KDM1A: variants seen among roughly 807,000 people sequenced by gnomAD.
KDM1A encodes the protein lysine-specific histone demethylase 1A.
A neutral mutation model predicts 109.4 loss-of-function variants in KDM1A; 49 were observed. That is an observed-to-expected ratio of 0.45 (90% CI 0.36 to 0.57). The LOEUF is 0.57. Among genes scored for constraint, KDM1A ranks in the 20% least tolerant of loss-of-function variants. The pLI is 0.00. For missense variants in KDM1A, 668 were observed against 1,116.6 expected (o/e 0.60, Z 5.73); for synonymous variants, 380 against 415.4 (o/e 0.91, Z 1.04).
At position 23,069,910 on chromosome 1, in the gene KDM1A, GAGGGGGCCTTTAT is replaced by G. The variant is rs534511718; in HGVS notation, c.1413+762_1413+774del. On this transcript the variant is annotated intron_variant, in intron 12 of 20. Coordinates refer to ENST00000400181, the MANE Select transcript of KDM1A (RefSeq NM_001009999.3). Reference sequence around the variant, plus strand: ...CAGCTTAGGGAGAAAATAGCCCCTGGAGGGGGCCTTTATAGTGCATACTCTGGGTGTGCCTGTG... The same window carrying G: ...CAGCTTAGGGAGAAAATAGCCCCTGGAGTGCATACTCTGGGTGTGCCTGTG... Among the ~76,000 whole-genome samples, 320 of 152,358 alleles carry G rather than the reference GAGGGGGCCTTTAT, an allele frequency of 2.1e-3. 1 individual carries two copies. The highest frequency in any genetic ancestry group is 7.5e-3 in the African/African-American group (311 of 41,572).
At chr1:23,021,349 C>A (rs555769512) in intron 1 of KDM1A, among the ~76,000 whole-genome samples, 1 of 152,116 alleles carries the variant, frequency 6.6e-6, no homozygotes, top group African/African-American at 2.4e-5. Flanking sequence ...CCAGAAGCCA[C>A]GTATAAGATG....
intron 15 of KDM1A, among the ~76,000 whole-genome samples, chr1:23,076,844 C>T (rs1167905768): frequency 1.3e-5 from 2 of 151,898 alleles, no homozygotes; most frequent in Non-Finnish European, 2.9e-5. Context: ...TGCCTGTAAT[C>T]CCAGCAGTTA....
intron 4 of KDM1A, among the ~76,000 whole-genome samples, chr1:23,053,197 C>T (rs934611098): frequency 2.0e-5 from 3 of 152,082 alleles, no homozygotes; most frequent in Non-Finnish European, 4.4e-5. Context: ...TCCCTTCTAG[C>T]TCTATGGATT....
chr1:23,039,871 CAG>C (rs1642255928), intron 2 of KDM1A, among the ~76,000 whole-genome samples: 1 of 152,178 alleles, frequency 6.6e-6, no homozygotes, highest in Non-Finnish European at 1.5e-5. Flanking sequence ...TTTTTGAAAA[CAG>C]AGAGTCTACC....
rs1337787141 is a variant in KDM1A at position 23,019,646 on chromosome 1, C to G, written c.50C>G (p.Ala17Gly). Residue 17 changes from alanine (A) to glycine (G), a missense_variant, in exon 1 of 21, where the codon GCA becomes GGA. Ala to Gly is a moderately conservative substitution (Grantham distance 60). Transcript: ENST00000400181. ...AAAAAAAAAA[A>G]ATGTEAGPGT... ...GCCGCGGCGGCGGCGGCTGCAGCGGCAGCAACCGGGACGGAGGCTGGCCCT... is the reference window on the plus strand; with the variant it reads ...GCCGCGGCGGCGGCGGCTGCAGCGGGAGCAACCGGGACGGAGGCTGGCCCT... The G allele has an allele frequency of 7.1e-7, 1 of 1,412,510 alleles. No homozygotes were observed. Among genetic ancestry groups the G allele is most frequent in the South Asian group, 1.5e-5 (1 of 65,382 alleles). The allele number at this position is 1,412,510 out of a possible 1,614,324, so 87.5% of individuals were successfully genotyped here. A position where few individuals can be genotyped will look rare whatever the true frequency, so the allele number is the denominator to read the frequency against.
intron 2 of KDM1A, 138 bp from the exon 3 acceptor site, chr1:23,044,289 C>G (rs757741529): frequency 9.7e-6 from 7 of 721,996 alleles, no homozygotes; most frequent in Non-Finnish European, 1.7e-5. Flanking sequence ...GGCCTTGATT[C>G]CAGAAGAAGG....
In KDM1A at chr1:23,073,282, T is replaced by A; in HGVS notation, c.1623-10T>A. ...TTTTAATAATCCTGTAGTCCTTTGT[T>A]CTTTTGCAGTGATGTATATCTCTCA... On this transcript the variant is annotated splice_polypyrimidine_tract_variant and intron_variant, in intron 14 of 20. Coordinates refer to ENST00000400181, the MANE Select transcript of KDM1A (RefSeq NM_001009999.3). 1 of 1,398,000 alleles carries A rather than the reference T, an allele frequency of 7.2e-7. No homozygotes were observed. The highest frequency in any genetic ancestry group is 1.0e-6 in the Non-Finnish European group (1 of 985,064). The allele number at this position is 1,398,000 out of a possible 1,614,324, so 86.6% of individuals were successfully genotyped here.
rs757190548 is a variant in KDM1A at position 23,019,875 on chromosome 1, T to G, written c.279T>G (p.Ser93=). Residue 93 remains serine, a synonymous_variant, in exon 1 of 21, where the codon TCT becomes TCG. Coordinates refer to ENST00000400181, the MANE Select transcript of KDM1A (RefSeq NM_001009999.3). ...CCGGCCCTACTGTCGTGCCTGGGTCTGCGACCCCCATGGAAACTGGAATAG... is the reference window on the plus strand; with the variant it reads ...CCGGCCCTACTGTCGTGCCTGGGTCGGCGACCCCCATGGAAACTGGAATAG... ...PQAGPTVVPG[S]ATPMETGIAE... 1.9e-6 allele frequency: 3 copies of G among 1,555,768 alleles called. No homozygotes were observed. The highest frequency in any genetic ancestry group is 2.6e-6 in the Non-Finnish European group (3 of 1,154,236).
chr1:23,063,385 T>A (rs1314602729), intron 9 of KDM1A, among the ~76,000 whole-genome samples: 1 of 152,108 alleles, frequency 6.6e-6, no homozygotes, highest in East Asian at 1.9e-4. Flanking sequence ...GTCAGGTCTC[T>A]TACAAACACC....
intron 3 of KDM1A, among the ~76,000 whole-genome samples, chr1:23,047,801 G>A (rs1642544551): frequency 6.6e-6 from 1 of 151,892 alleles, no homozygotes; most frequent in Non-Finnish European, 1.5e-5. Context: ...GGAGGCTGAG[G>A]CAGCCCAGCT....
chr1:23,054,547 G>T lies in KDM1A; in HGVS notation c.791-522G>T, dbSNP rs554791711. Among the ~76,000 whole-genome samples, 8 of 152,284 alleles carry T rather than the reference G, an allele frequency of 5.3e-5. No homozygotes were observed. The South Asian group carries it at 1.2e-3, about 24-fold the overall frequency. ...GTTGCCCAGGCTGGAGTGCAGTGGC[G>T]CATTCACAGCTTACCTCAGCCTTGA... is the stretch of plus-strand genomic sequence containing the variant. On this transcript the variant is annotated intron_variant, in intron 5 of 20. Transcript: ENST00000400181.
chr1:23,051,053 C>G (rs1247782949), intron 4 of KDM1A, among the ~76,000 whole-genome samples: 1 of 152,064 alleles, frequency 6.6e-6, no homozygotes, highest in Non-Finnish European at 1.5e-5. Flanking sequence ...CCACTGCACT[C>G]CATCCAGCCT....
chr1:23,074,538 A>C (rs946584735), intron 15 of KDM1A, among the ~76,000 whole-genome samples: 1 of 152,132 alleles, frequency 6.6e-6, no homozygotes, highest in African/African-American at 2.4e-5. Context: ...CCTGGGCTCA[A>C]GTGATCTTCC....
intron 7 of KDM1A, 145 bp from the exon 8 acceptor site, chr1:23,057,339 G>T: frequency 1.6e-6 from 1 of 606,394 alleles, no homozygotes; most frequent in South Asian, 2.1e-5. Flanking sequence ...TTTGTTCTTT[G>T]TGCCCATAGT....
intron 2 of KDM1A, among the ~76,000 whole-genome samples, chr1:23,031,577 C>CTT (rs139320245): frequency 6.2e-4 from 91 of 147,502 alleles, no homozygotes; most frequent in African/African-American, 2.2e-3. Flanking sequence ...TTGTTTTAGC[C>CTT]TTTTTTTTTT....
Position 23,059,092 on chromosome 1 carries a change from G to T in KDM1A, c.1092G>T (p.Val364=). The T allele has an allele frequency of 6.2e-7, 1 of 1,611,210 alleles. No individual in the cohort carries two copies. The highest frequency in any genetic ancestry group is 8.5e-7 in the Non-Finnish European group (1 of 1,178,902). ...TTCTAGGAGGGAATCCTATGGCTGT[G>T]GTCAGCAAACAAGTAAATATGGAAC... ...VTGLGGNPMA[V]VSKQVNMELA... is the part of the protein sequence containing the mutation. Residue 364 remains valine, a synonymous_variant, in exon 9 of 21, where the codon GTG becomes GTT. Transcript: ENST00000400181.
intron 1 of KDM1A, among the ~76,000 whole-genome samples, chr1:23,027,449 C>CT (rs1484504982): frequency 5.3e-5 from 7 of 131,408 alleles, no homozygotes; most frequent in African/African-American, 2.0e-4. Flanking sequence ...GGTCTCGACT[C>CT]TGTCACGCAG....
intron 8 of KDM1A, 34 bp downstream of exon 8, chr1:23,057,599 TG>T: frequency 6.7e-7 from 1 of 1,485,340 alleles, no homozygotes; most frequent in African/African-American, 1.4e-5. Flanking sequence ...ATATAGTACA[TG>T]GTCTAAGACT....
chr1:23,019,569 ACGGCCGTCGGCGGCCCGG>A lies in KDM1A; in HGVS notation c.-22_-5del. ...CGGAGCGACAGAGCGAGCGGCCCCT[ACGGCCGTCGGCGGCCCGG>A]CGGCCCGAGATGTTATCTGGGAAGA... is the stretch of plus-strand genomic sequence containing the variant. On this transcript the variant is annotated 5_prime_UTR_variant, in exon 1 of 21. Coordinates refer to ENST00000400181, the MANE Select transcript of KDM1A (RefSeq NM_001009999.3). 7.2e-7 allele frequency: 1 copy of A among 1,394,370 alleles called. No individual in the cohort carries two copies. Among genetic ancestry groups the A allele is most frequent in the Non-Finnish European group, 9.3e-7 (1 of 1,080,808 alleles). The allele number at this position is 1,394,370 out of a possible 1,614,324, so 86.4% of individuals were successfully genotyped here. A position where few individuals can be genotyped will look rare whatever the true frequency, so the allele number is the denominator to read the frequency against.
Sources: allele counts gnomAD v4.1 joint callset (sites outside exome capture counted in the v4.1 genomes callset), GRCh38; gene constraint gnomAD v4.1.1; transcripts MANE v1.5; gene names NCBI Gene and HGNC (gene_info 2026-07-23, HGNC 2026-07-21).